The following TAOK3 variants were observed in gnomAD, a reference collection of about 807,000 sequenced individuals.
The protein encoded by TAOK3 is TAO kinase 3, also known as serine/threonine-protein kinase TAO3.
TAOK3 carries 40 observed loss-of-function variants against 120.4 expected under a neutral mutation model. The observed-to-expected ratio is 0.33, with a 90% CI of 0.26 to 0.43. The LOEUF is 0.43. Among genes scored for constraint, TAOK3 ranks in the 20% least tolerant of loss-of-function variants. The probability of loss-of-function intolerance (pLI) is 1.00; values close to 1 mark genes in which losing one functional copy is unlikely to be tolerated. For synonymous variants in TAOK3, 355 were observed against 387.5 expected (o/e 0.92, Z 0.99); for missense variants, 821 against 1,112.1 (o/e 0.74, Z 3.72).
chr12:118,342,202 T>C (rs181361783), intron 1 of TAOK3, among the ~76,000 whole-genome samples: 1 of 152,334 alleles, frequency 6.6e-6, no homozygotes, highest in African/African-American at 2.4e-5. Flanking sequence ...TAGGCAGCTT[T>C]GGTATTACTA....
At chr12:118,186,963 A>G (rs1159538499) in intron 14 of TAOK3, among the ~76,000 whole-genome samples, 2 of 152,216 alleles carry the variant, frequency 1.3e-5, no homozygotes, top group African/African-American at 4.8e-5. Context: ...TCAAAAGCAC[A>G]ATGTTGAAAG....
chr12:118,333,834 T>TTA (rs774021399), intron 1 of TAOK3, among the ~76,000 whole-genome samples: 10 of 135,458 alleles, frequency 7.4e-5, no homozygotes, highest in African/African-American at 2.7e-4. Context: ...GGGTATTTTA[T>TTA]AAAAAAAAAA....
intron 1 of TAOK3, among the ~76,000 whole-genome samples, chr12:118,279,768 G>GTT (rs1241593301): frequency 6.3e-4 from 75 of 119,706 alleles, no homozygotes; most frequent in African/African-American, 2.1e-3. Context: ...TTTTATTGTT[G>GTT]TTTTTTTTTT....
intron 1 of TAOK3, among the ~76,000 whole-genome samples, chr12:118,314,797 T>C (rs1014292346): frequency 6.6e-6 from 1 of 152,214 alleles, no homozygotes; most frequent in Admixed American, 6.5e-5. Context: ...GACCAGGTTT[T>C]TGCTCAGAAT....
At chr12:118,354,442 C>T (rs2045309766) in intron 1 of TAOK3, among the ~76,000 whole-genome samples, 1 of 152,158 alleles carries the variant, frequency 6.6e-6, no homozygotes, top group Admixed American at 6.5e-5. Flanking sequence ...GATTTCATCA[C>T]ACTACTCAAA....
chr12:118,345,183 T>C (rs1219447338), intron 1 of TAOK3, among the ~76,000 whole-genome samples: 1 of 152,202 alleles, frequency 6.6e-6, no homozygotes, highest in Non-Finnish European at 1.5e-5. Context: ...AAGATGGGAA[T>C]GAAATGTCTA....
intron 9 of TAOK3, among the ~76,000 whole-genome samples, chr12:118,222,260 C>A (rs917867881): frequency 6.6e-6 from 1 of 152,112 alleles, no homozygotes; most frequent in Non-Finnish European, 1.5e-5. Flanking sequence ...GGTGGCCAGG[C>A]GTGGTGACTC....
chr12:118,339,851 T>C (rs992567016), intron 1 of TAOK3, among the ~76,000 whole-genome samples: 1 of 152,154 alleles, frequency 6.6e-6, no homozygotes, highest in Non-Finnish European at 1.5e-5. Context: ...CTCTTTTCTA[T>C]AGATTCTTCC....
At chr12:118,341,326 T>G (rs903788336) in intron 1 of TAOK3, among the ~76,000 whole-genome samples, 1 of 152,048 alleles carries the variant, frequency 6.6e-6, no homozygotes, top group African/African-American at 2.4e-5. Context: ...ACCTAAAAAT[T>G]TAACGATAAT....
At chr12:118,320,812 T>C (rs2043672803) in intron 1 of TAOK3, among the ~76,000 whole-genome samples, 1 of 152,080 alleles carries the variant, frequency 6.6e-6, no homozygotes, top group Non-Finnish European at 1.5e-5. Flanking sequence ...TAATTGAAAA[T>C]GAATCACACT....
intron 1 of TAOK3, among the ~76,000 whole-genome samples, chr12:118,338,304 T>C (rs1044265755): frequency 6.6e-6 from 1 of 152,188 alleles, no homozygotes; most frequent in Non-Finnish European, 1.5e-5. Flanking sequence ...TTAACATATG[T>C]GTCCTTCACT....
chr12:118,217,793 A>ATGTGTGTG (rs1565963277), intron 9 of TAOK3, among the ~76,000 whole-genome samples: 2 of 85,036 alleles, frequency 2.4e-5, no homozygotes, highest in East Asian at 3.5e-4. Flanking sequence ...ATATGTATGT[A>ATGTGTGTG]TGTATGTGTG....
chr12:118,246,635 G>T (rs1183774781), intron 3 of TAOK3: 2 of 1,571,620 alleles, frequency 1.3e-6, no homozygotes, highest in Admixed American at 3.6e-5. Flanking sequence ...CTTGCAAGGT[G>T]ACAGGCCGCT....
chr12:118,250,944 A>T (rs750556569), intron 3 of TAOK3, among the ~76,000 whole-genome samples: 9 of 152,156 alleles, frequency 5.9e-5, no homozygotes, highest in Non-Finnish European at 1.2e-4. Flanking sequence ...AGATTCCAGG[A>T]AGGATGATCA....
intron 1 of TAOK3, among the ~76,000 whole-genome samples, chr12:118,315,417 G>A (rs1000250479): frequency 2.6e-5 from 4 of 151,552 alleles, no homozygotes; most frequent in Admixed American, 6.6e-5. Flanking sequence ...TCATATGCAG[G>A]ATATATTCAA....
At chr12:118,166,495 G>A (rs901889958) in intron 17 of TAOK3, among the ~76,000 whole-genome samples, 8 of 149,458 alleles carry the variant, frequency 5.4e-5, no homozygotes, top group Non-Finnish European at 1.0e-4. Flanking sequence ...CTGAGACTGC[G>A]CCATTGCATT....
chr12:118,349,771 TA>T (rs952370054), intron 1 of TAOK3, among the ~76,000 whole-genome samples: 2 of 151,964 alleles, frequency 1.3e-5, no homozygotes, highest in Admixed American at 1.3e-4. Flanking sequence ...TTATCTAAAT[TA>T]AAAAAAACAC....
intron 1 of TAOK3, among the ~76,000 whole-genome samples, chr12:118,358,295 C>CT (rs1471820564): frequency 6.6e-6 from 1 of 152,146 alleles, no homozygotes; most frequent in Non-Finnish European, 1.5e-5. Context: ...GTAGCTAACT[C>CT]TATGTATTAA....
chr12:118,309,195 G>A (rs1304433919), intron 1 of TAOK3, among the ~76,000 whole-genome samples: 1 of 151,668 alleles, frequency 6.6e-6, no homozygotes. Context: ...TGGGCGTGGT[G>A]CTGCATGTCT....
Sources: allele counts gnomAD v4.1 joint callset (sites outside exome capture counted in the v4.1 genomes callset), GRCh38; gene constraint gnomAD v4.1.1; transcripts MANE v1.5; gene names NCBI Gene and HGNC (gene_info 2026-07-23, HGNC 2026-07-21).